Variants in FOXN3 observed in about 807,000 individuals in gnomAD.
The protein encoded by FOXN3 is forkhead box protein N3.
A neutral mutation model predicts 38.4 loss-of-function variants in FOXN3; 7 were observed. The observed-to-expected ratio is 0.18, with a 90% CI of 0.10 to 0.34. The LOEUF is 0.34. Ranked by LOEUF, FOXN3 falls within the 10% of genes least tolerant of loss-of-function variation. FOXN3 has a pLI of 1.00. For missense variants in FOXN3, 456 were observed against 613.4 expected (o/e 0.74, Z 2.71); for synonymous variants, 230 against 242.2 (o/e 0.95, Z 0.47).
At chr14:89,300,180 C>CTT (rs35774627) in intron 3 of FOXN3, among the ~76,000 whole-genome samples, 1,378 of 115,724 alleles carry the variant, frequency 0.012, 48 homozygotes, top group African/African-American at 0.03. Context: ...AAGAAATGTA[C>CTT]TTTTTTTTTT....
chr14:89,265,170 C>G (rs1885932773), intron 4 of FOXN3, among the ~76,000 whole-genome samples: 1 of 152,160 alleles, frequency 6.6e-6, no homozygotes, highest in Admixed American at 6.5e-5. Flanking sequence ...GTGTTAATAG[C>G]TTTATCAGCT....
chr14:89,229,890 G>C (rs1884757303), intron 4 of FOXN3, among the ~76,000 whole-genome samples: 1 of 152,240 alleles, frequency 6.6e-6, no homozygotes, highest in Non-Finnish European at 1.5e-5. Context: ...AGGCAGAGGA[G>C]AACAGCTCAG....
intron 1 of FOXN3, among the ~76,000 whole-genome samples, chr14:89,454,312 A>AG (rs1332160118): frequency 6.6e-6 from 1 of 152,236 alleles, no homozygotes; most frequent in African/African-American, 2.4e-5. Flanking sequence ...TCAAAAAAAA[A>AG]GAAGAGAGAC....
chr14:89,408,442 G>A (rs1479472541), intron 2 of FOXN3, among the ~76,000 whole-genome samples: 4 of 151,626 alleles, frequency 2.6e-5, no homozygotes, highest in African/African-American at 7.3e-5. Context: ...TGTATTTTTT[G>A]TAGAGACATA....
intron 3 of FOXN3, among the ~76,000 whole-genome samples, chr14:89,317,198 CAGTG>C (rs1455689815): frequency 6.6e-6 from 1 of 152,180 alleles, no homozygotes; most frequent in Non-Finnish European, 1.5e-5. Flanking sequence ...TGGCCTCTGA[CAGTG>C]AGTGAGGAAG....
chr14:89,443,785 G>C (rs10130393), intron 1 of FOXN3, among the ~76,000 whole-genome samples: 3,378 of 152,176 alleles, frequency 0.022, 36 homozygotes, highest in Middle Eastern at 0.037. Flanking sequence ...CAAGGTGGGC[G>C]GGTCACCTGA....
chr14:89,288,721 T>C (rs1275121414), intron 3 of FOXN3, among the ~76,000 whole-genome samples: 1 of 34,930 alleles, frequency 2.9e-5, no homozygotes, highest in Non-Finnish European at 5.1e-5. Flanking sequence ...TCTCTCTCTC[T>C]CTCTATATAT....
chr14:89,196,374 A>C (rs1021032954), intron 4 of FOXN3, among the ~76,000 whole-genome samples: 2 of 152,150 alleles, frequency 1.3e-5, no homozygotes, highest in African/African-American at 2.4e-5. Flanking sequence ...TGCACTAGAC[A>C]TGAGGATTCT....
chr14:89,288,547 C>T (rs557516695), intron 3 of FOXN3, among the ~76,000 whole-genome samples: 34 of 35,774 alleles, frequency 9.5e-4, no homozygotes, highest in African/African-American at 1.5e-3. Context: ...CAACATTATA[C>T]GAACAAAACT....
At chr14:89,264,720 G>A (rs541395743) in intron 4 of FOXN3, among the ~76,000 whole-genome samples, 1 of 152,132 alleles carries the variant, frequency 6.6e-6, no homozygotes, top group Non-Finnish European at 1.5e-5. Context: ...CTATGAGGAC[G>A]CTACTCAGTT....
At chr14:89,521,253 T>A (rs1241230085) in intron 1 of FOXN3, among the ~76,000 whole-genome samples, 1 of 151,384 alleles carries the variant, frequency 6.6e-6, no homozygotes, top group African/African-American at 2.4e-5. Context: ...GACGTTGCAG[T>A]GAGCCAAGAT....
chr14:89,291,590 G>A (rs1886875213), intron 3 of FOXN3: 41 of 530,138 alleles, frequency 7.7e-5, no homozygotes, highest in South Asian at 6.1e-4. Context: ...CTACATGTCT[G>A]CCATTCTGCT....
intron 2 of FOXN3, among the ~76,000 whole-genome samples, chr14:89,390,224 T>TAA (rs34247933): frequency 7.8e-5 from 11 of 141,816 alleles, no homozygotes; most frequent in Non-Finnish European, 9.2e-5. Context: ...AGACTCCCTT[T>TAA]AAAAAAAAAA....
At chr14:89,413,360 A>G (rs1363549062) in intron 1 of FOXN3, among the ~76,000 whole-genome samples, 1 of 152,170 alleles carries the variant, frequency 6.6e-6, no homozygotes, top group Non-Finnish European at 1.5e-5. Context: ...CAGGCTGGGC[A>G]TGGTGGCTCA....
At position 89,283,646 on chromosome 14, in the gene FOXN3, T is replaced by C. The variant is rs539460066; in HGVS notation, c.681-2632A>G. Among the ~76,000 whole-genome samples, 587 of 151,354 alleles carry C rather than the reference T, an allele frequency of 3.9e-3. 1 individual carries two copies. The highest frequency in any genetic ancestry group is 0.014 in the Middle Eastern group (4 of 294). ...GGGAGTGGCGGGTGAAGGGGAAGAA[T>C]GGGGTGCGCTCCATACCCAGCCATG... On this transcript the variant is annotated intron_variant, in intron 3 of 5. Transcript: ENST00000557258.
chr14:89,446,281 T>G (rs1284882688), intron 1 of FOXN3, among the ~76,000 whole-genome samples: 1 of 145,962 alleles, frequency 6.9e-6, no homozygotes, highest in Non-Finnish European at 1.5e-5. Flanking sequence ...CTCCACCTCC[T>G]GGGTTCAAGC....
At chr14:89,364,799 G>A (rs8005923) in intron 2 of FOXN3, 30,324 of 152,050 alleles carry the variant, frequency 0.2, 3,702 homozygotes, top group African/African-American at 0.35. Context: ...ACCTCAGAAC[G>A]CCCCTCCATC....
chr14:89,335,012 G>A (rs571055473), intron 3 of FOXN3, among the ~76,000 whole-genome samples: 16 of 151,626 alleles, frequency 1.1e-4, no homozygotes, highest in African/African-American at 2.9e-4. Context: ...TGATCTGCCC[G>A]CCTCAGCCTC....
chr14:89,275,498 G>A (rs112111109), intron 4 of FOXN3, among the ~76,000 whole-genome samples: 1 of 152,212 alleles, frequency 6.6e-6, no homozygotes, highest in African/African-American at 2.4e-5. Flanking sequence ...AGTTTACCAA[G>A]TGAAGGGTTG....
Sources: gnomAD v4.1 joint callset for allele counts (sites outside exome capture counted in the v4.1 genomes callset) on GRCh38, gnomAD v4.1.1 for gene constraint, MANE v1.5 for transcripts, NCBI Gene and HGNC (gene_info 2026-07-23, HGNC 2026-07-21) for gene names.